SDK1: variants seen among roughly 807,000 people sequenced by gnomAD.
SDK1 encodes sidekick cell adhesion molecule 1.
A neutral mutation model predicts 245.5 loss-of-function variants in SDK1; 157 were observed. The ratio of observed to expected loss-of-function variants is 0.64; its 90% CI spans 0.56 to 0.73. The LOEUF is 0.73. SDK1 is among the 30% of genes least tolerant of loss of function. SDK1 has a pLI of 0.00. For synonymous variants in SDK1, 1,647 were observed against 1,278.5 expected, an observed-to-expected ratio of 1.29 and a Z score of -6.15; for missense variants, 3,583 against 3,002.3, an observed-to-expected ratio of 1.19 and a Z score of -4.52.
chr7:3,433,319 A>C (rs1779922203), intron 1 of SDK1, among the ~76,000 whole-genome samples: 4 of 152,222 alleles, frequency 2.6e-5, no homozygotes, highest in Admixed American at 1.3e-4. Flanking sequence ...GGTGTGTGTT[A>C]GTTGATATTT....
chr7:3,511,995 T>C (rs1463816518), intron 1 of SDK1, among the ~76,000 whole-genome samples: 1 of 151,512 alleles, frequency 6.6e-6, no homozygotes, highest in Non-Finnish European at 1.5e-5. Flanking sequence ...TACTTTACAT[T>C]AGAATTCACT....
chr7:3,828,597 G>A (rs1462562244), intron 5 of SDK1, among the ~76,000 whole-genome samples: 6 of 149,294 alleles, frequency 4.0e-5, no homozygotes, highest in African/African-American at 1.5e-4. Flanking sequence ...GTTTTGGTTT[G>A]GTTTGCCCCC....
At chr7:4,160,091 C>G (rs1291638096) in intron 31 of SDK1, among the ~76,000 whole-genome samples, 1 of 152,198 alleles carries the variant, frequency 6.6e-6, no homozygotes, top group African/African-American at 2.4e-5. Flanking sequence ...AAAAGCCTTT[C>G]CGGTTAATCT....
rs185772534 is a variant in SDK1, at chr7:3,665,225, G to A, written c.713+23120G>A. Among the ~76,000 whole-genome samples, 434 of 152,274 alleles carry A rather than the reference G, an allele frequency of 2.9e-3. 3 individuals are homozygous for A. The highest frequency in any genetic ancestry group is 0.018 in the South Asian group (88 of 4,828). On this transcript the variant is annotated intron_variant, in intron 4 of 44. Transcript: ENST00000404826. Reference sequence around the variant, plus strand: ...CACACATGGGGACCACCCTGTGCACGCAGAGCAGTCCACTATCATCCCCAC... The same window carrying A: ...CACACATGGGGACCACCCTGTGCACACAGAGCAGTCCACTATCATCCCCAC...
chr7:3,449,357 C>T (rs969727575), intron 1 of SDK1, among the ~76,000 whole-genome samples: 1 of 151,328 alleles, frequency 6.6e-6, no homozygotes, highest in Non-Finnish European at 1.5e-5. Context: ...CTTGGTGGTA[C>T]AAAATCGTGC....
intron 5 of SDK1, among the ~76,000 whole-genome samples, chr7:3,879,673 A>G (rs1350464128): frequency 6.6e-6 from 1 of 152,034 alleles, no homozygotes; most frequent in Non-Finnish European, 1.5e-5. Context: ...TAGCTTTTGC[A>G]TTATCTTTCT....
At chr7:4,114,777 G>A (rs1168114978) in intron 25 of SDK1, among the ~76,000 whole-genome samples, 1 of 152,144 alleles carries the variant, frequency 6.6e-6, no homozygotes, top group Non-Finnish European at 1.5e-5. Flanking sequence ...CTTCCACAAG[G>A]TGATTCAGGG....
intron 4 of SDK1, among the ~76,000 whole-genome samples, chr7:3,764,375 G>A (rs1780190863): frequency 6.6e-6 from 1 of 152,220 alleles, no homozygotes; most frequent in East Asian, 1.9e-4. Flanking sequence ...CTCCTGCGAT[G>A]CAATTCATAG....
At chr7:3,571,505 G>C (rs1005057398) in intron 1 of SDK1, among the ~76,000 whole-genome samples, 2 of 151,864 alleles carry the variant, frequency 1.3e-5, no homozygotes, top group Non-Finnish European at 2.9e-5. Context: ...GGGTCTTGCT[G>C]TGTTGCCCAA....
At chr7:4,025,938 G>T (rs957388379) in intron 17 of SDK1, among the ~76,000 whole-genome samples, 20 of 152,190 alleles carry the variant, frequency 1.3e-4, no homozygotes, top group Admixed American at 1.3e-3. Context: ...GCCTGGCTTT[G>T]CTCAGGAGCC....
At chr7:3,342,276 G>T (rs188110671) in intron 1 of SDK1, among the ~76,000 whole-genome samples, 2 of 152,214 alleles carry the variant, frequency 1.3e-5, no homozygotes, top group Admixed American at 6.5e-5. Flanking sequence ...ATGTAAAATT[G>T]TAAAACTCTT....
chr7:3,737,792 C>T (rs969005767), intron 4 of SDK1, among the ~76,000 whole-genome samples: 2 of 152,214 alleles, frequency 1.3e-5, no homozygotes, highest in Admixed American at 1.3e-4. Flanking sequence ...AGCTGGATGT[C>T]CACCTTAGGC....
intron 38 of SDK1, among the ~76,000 whole-genome samples, chr7:4,216,867 C>G (rs1028978023): frequency 1.3e-5 from 2 of 152,222 alleles, no homozygotes; most frequent in African/African-American, 4.8e-5. Flanking sequence ...AGTCGTGGCT[C>G]ATCCTGTGTG....
chr7:3,893,512 A>G (rs563037499), intron 5 of SDK1, among the ~76,000 whole-genome samples: 6 of 151,996 alleles, frequency 3.9e-5, no homozygotes, highest in Admixed American at 3.3e-4. Flanking sequence ...CCTGCTTTCC[A>G]TACCTTCTGG....
At chr7:3,345,098 G>A (rs938132319) in intron 1 of SDK1, among the ~76,000 whole-genome samples, 2 of 152,112 alleles carry the variant, frequency 1.3e-5, no homozygotes, top group African/African-American at 2.4e-5. Context: ...GTAGAACTTC[G>A]GGTCTCCACG....
At chr7:3,696,442 C>T (rs188260867) in intron 4 of SDK1, among the ~76,000 whole-genome samples, 1 of 152,260 alleles carries the variant, frequency 6.6e-6, no homozygotes, top group East Asian at 1.9e-4. Context: ...GGATCACTAA[C>T]TGATAGGCAT....
chr7:3,384,559 A>G (rs2128567935), intron 1 of SDK1, among the ~76,000 whole-genome samples: 1 of 151,880 alleles, frequency 6.6e-6, no homozygotes, highest in Non-Finnish European at 1.5e-5. Context: ...GTCTGAAGAC[A>G]GACATTTCCA....
intron 22 of SDK1, among the ~76,000 whole-genome samples, chr7:4,098,156 T>C (rs987759981): frequency 6.6e-6 from 1 of 152,176 alleles, no homozygotes; most frequent in African/African-American, 2.4e-5. Flanking sequence ...GGGGCCTTTT[T>C]GTTCATTCAT....
intron 1 of SDK1, among the ~76,000 whole-genome samples, chr7:3,445,264 T>C (rs1780309966): frequency 6.6e-6 from 1 of 152,140 alleles, no homozygotes; most frequent in Non-Finnish European, 1.5e-5. Context: ...TGCATTTGGG[T>C]ATAATCTTAG....
Sources: gnomAD v4.1 joint callset for allele counts (sites outside exome capture counted in the v4.1 genomes callset) on GRCh38, gnomAD v4.1.1 for gene constraint, MANE v1.5 for transcripts, NCBI Gene and HGNC (gene_info 2026-07-23, HGNC 2026-07-21) for gene names.